The following KITLG variants were observed in gnomAD, a reference collection of about 807,000 sequenced individuals.
KITLG encodes the protein KIT ligand.
A neutral mutation model predicts 34.1 loss-of-function variants in KITLG; 13 were observed. The observed-to-expected ratio is 0.38, with a 90% confidence interval of 0.25 to 0.61. The LOEUF (loss-of-function observed/expected upper bound fraction) is 0.61. Among genes scored for constraint, KITLG ranks in the 20% least tolerant of loss-of-function variants. The pLI, the probability that KITLG is intolerant of heterozygous loss-of-function variation, is 0.60. For synonymous variants in KITLG, 110 were observed against 104.0 expected (o/e 1.06, Z -0.35); for missense variants, 292 against 318.9 (o/e 0.92, Z 0.64).
At chr12:88,503,001 G>C (rs906068680) in intron 9 of KITLG, among the ~76,000 whole-genome samples, 1 of 152,044 alleles carries the variant, frequency 6.6e-6, no homozygotes, top group Non-Finnish European at 1.5e-5. Flanking sequence ...GGGAAATATT[G>C]CTTCGGAAAA....
rs901993970 is a variant in KITLG, at chr12:88,494,868, T to C, written c.*2351A>G. The C allele has an allele frequency of 6.6e-6, 1 of 152,000 alleles. No individual in the cohort carries two copies. The highest frequency in any genetic ancestry group is 6.6e-5 in the Admixed American group (1 of 15,232). 9.4% of individuals were successfully genotyped at this position (152,000 alleles called of 1,614,324 possible). On this transcript the variant is annotated 3_prime_UTR_variant, in exon 10 of 10. Coordinates refer to ENST00000644744, the MANE Select transcript of KITLG (RefSeq NM_000899.5). Reference sequence around the variant, plus strand: ...TATGAAGAAGGATATTCAGAACACATCTGGGATAAAATAAGCAAAGATAAA... The same window carrying C: ...TATGAAGAAGGATATTCAGAACACACCTGGGATAAAATAAGCAAAGATAAA...
intron 1 of KITLG, among the ~76,000 whole-genome samples, chr12:88,562,038 C>G (rs939991693): frequency 7.9e-5 from 12 of 152,162 alleles, no homozygotes; most frequent in Non-Finnish European, 1.3e-4. Context: ...TTAGTTTACT[C>G]TTATCATCTG....
chr12:88,507,086 G>T lies in KITLG; in HGVS notation c.656C>A (p.Ala219Glu). ...TATAAGAGAAAACAATGCTGGCAATGCCATGGCTGCCCAGTGTAGGCTGGA... is the reference window on the plus strand; with the variant it reads ...TATAAGAGAAAACAATGCTGGCAATTCCATGGCTGCCCAGTGTAGGCTGGA... The part of the protein sequence containing the change: ...GDSSLHWAAM[A>E]LPALFSLIIG... The change falls in exon 7 of 10, where the codon GCA becomes GAA. Residue 219 changes from alanine to glutamate, a missense_variant. By Grantham distance (107) the Ala-to-Glu change is moderately radical (BLOSUM62 -1). Transcript: ENST00000644744. 1 of 1,613,808 alleles carries T rather than the reference G, an allele frequency of 6.2e-7. No homozygotes were observed. Among genetic ancestry groups the T allele is most frequent in the Non-Finnish European group, 8.5e-7 (1 of 1,179,730 alleles).
At chr12:88,534,572 G>C (rs549844434) in intron 2 of KITLG, 9 of 410,928 alleles carry the variant, frequency 2.2e-5, no homozygotes, top group South Asian at 1.6e-4. Flanking sequence ...TTGCTATGTT[G>C]GCCAGTCTGG....
At chr12:88,579,785 C>G (rs1226020021) in intron 1 of KITLG, among the ~76,000 whole-genome samples, 1 of 151,960 alleles carries the variant, frequency 6.6e-6, no homozygotes, top group Non-Finnish European at 1.5e-5. Context: ...GCTGCACCCG[C>G]GTTCGCGCCG....
chr12:88,516,242 G>T, intron 5 of KITLG, 92 bp downstream of exon 5: 2 of 1,053,982 alleles, frequency 1.9e-6, no homozygotes, highest in Non-Finnish European at 2.9e-6. Context: ...CATGTATCTT[G>T]CTACAGCTTA....
Position 88,580,372 on chromosome 12 carries a change from G to A in KITLG, c.-94C>T. On this transcript the variant is annotated 5_prime_UTR_variant, in exon 1 of 10. Coordinates refer to ENST00000644744, the MANE Select transcript of KITLG (RefSeq NM_000899.5). ...CCAGCATATTGCACGAACAGCGGCG[G>A]CAGATAGTCCACGCATTGGGTAGCC... 6.9e-7 allele frequency: 1 copy of A among 1,444,998 alleles called. No homozygotes were observed. Among genetic ancestry groups the A allele is most frequent in the Non-Finnish European group, 9.6e-7 (1 of 1,041,882 alleles). The allele number at this position is 1,444,998 out of a possible 1,614,324, so 89.5% of individuals were successfully genotyped here.
At chr12:88,540,675 A>G (rs924728389) in intron 2 of KITLG, among the ~76,000 whole-genome samples, 2 of 152,124 alleles carry the variant, frequency 1.3e-5, no homozygotes, top group African/African-American at 4.8e-5. Context: ...CAGAAGACAT[A>G]TTATCCAAGT....
At chr12:88,505,133 A>G in intron 9 of KITLG, 26 bp downstream of exon 9, 1 of 1,259,958 alleles carries the variant, frequency 7.9e-7, no homozygotes, top group Non-Finnish European at 1.1e-6. Context: ...AAAAAGAAAA[A>G]AAAAGGAAAG....
At chr12:88,536,521 A>G (rs1450660582) in intron 2 of KITLG, among the ~76,000 whole-genome samples, 1 of 152,210 alleles carries the variant, frequency 6.6e-6, no homozygotes, top group Admixed American at 6.5e-5. Context: ...TTCTACTATA[A>G]AGACACATTC....
chr12:88,508,420 A>G (rs1424611593), intron 6 of KITLG, among the ~76,000 whole-genome samples: 3 of 152,152 alleles, frequency 2.0e-5, no homozygotes, highest in Non-Finnish European at 4.4e-5. Context: ...TCAGAAATAG[A>G]TTTTATCTAC....
chr12:88,528,805 C>T (rs1172916950), intron 3 of KITLG, among the ~76,000 whole-genome samples: 1 of 152,140 alleles, frequency 6.6e-6, no homozygotes, highest in East Asian at 1.9e-4. Context: ...GATTAAACGG[C>T]ACATGGGTGT....
intron 3 of KITLG, among the ~76,000 whole-genome samples, chr12:88,524,725 C>T (rs1051868148): frequency 1.3e-5 from 2 of 151,988 alleles, no homozygotes; most frequent in African/African-American, 4.8e-5. Context: ...AAGACGGGCC[C>T]CTGTGCTGTA....
chr12:88,548,885 G>A (rs774059982), intron 1 of KITLG, among the ~76,000 whole-genome samples: 7 of 152,124 alleles, frequency 4.6e-5, no homozygotes, highest in Non-Finnish European at 8.8e-5. Flanking sequence ...TCTGAGTCTC[G>A]AGAAGAGCCA....
chr12:88,525,385 C>T (rs1028959652), intron 3 of KITLG, among the ~76,000 whole-genome samples: 2 of 152,138 alleles, frequency 1.3e-5, no homozygotes, highest in Non-Finnish European at 2.9e-5. Context: ...ATTTGGAAAT[C>T]TAGCATTTTT....
chr12:88,518,709 T>C lies in KITLG; in HGVS notation c.351A>G (p.Glu117=). ...IVDDLVECVK[E]NSSKDLKKSF... ...AACACAAAGTTACCTTAGATGAGTT[T>C]TCTTTCACGCACTCCACAAGGTCAT... The change falls in exon 4 of 10, where the codon GAA becomes GAG. Residue 117 remains glutamate, a synonymous_variant. Coordinates refer to ENST00000644744, the MANE Select transcript of KITLG (RefSeq NM_000899.5). The C allele has an allele frequency of 2.5e-6, 4 of 1,612,864 alleles. No homozygotes were observed. The highest frequency in any genetic ancestry group is 3.4e-6 in the Non-Finnish European group (4 of 1,179,022).
At chr12:88,535,653 T>G (rs189194594) in intron 2 of KITLG, among the ~76,000 whole-genome samples, 1 of 152,206 alleles carries the variant, frequency 6.6e-6, no homozygotes, top group Admixed American at 6.6e-5. Context: ...GTTGTAGATA[T>G]TTGTGGTCGC....
intron 1 of KITLG, among the ~76,000 whole-genome samples, chr12:88,547,447 T>C (rs368872018): frequency 6.6e-6 from 1 of 152,226 alleles, no homozygotes; most frequent in South Asian, 2.1e-4. Flanking sequence ...CTCTTCATAG[T>C]ATCATCTTTC....
At chr12:88,500,022 C>G (rs1868789421) in intron 9 of KITLG, among the ~76,000 whole-genome samples, 1 of 152,190 alleles carries the variant, frequency 6.6e-6, no homozygotes, top group Non-Finnish European at 1.5e-5. Context: ...TTATGTGACA[C>G]AAGGCATTTA....
Sources: allele counts gnomAD v4.1 joint callset (sites outside exome capture counted in the v4.1 genomes callset), GRCh38; gene constraint gnomAD v4.1.1; transcripts MANE v1.5; gene names NCBI Gene and HGNC (gene_info 2026-07-23, HGNC 2026-07-21).